The following DNM1 variants were observed in gnomAD, a reference collection of about 807,000 sequenced individuals.
DNM1 encodes the protein dynamin-1.
Under a neutral mutation model 104.6 loss-of-function variants are expected in DNM1, and 29 were observed. The ratio of observed to expected loss-of-function variants is 0.28; its 90% CI spans 0.21 to 0.38. The LOEUF (loss-of-function observed/expected upper bound fraction) is 0.38, where lower values mean the gene tolerates loss of function less well. DNM1 is among the 10% of genes least tolerant of loss of function. DNM1 has a pLI of 1.00. For missense variants in DNM1, 640 were observed against 1,189.4 expected, an observed-to-expected ratio of 0.54 and a Z score of 6.79; for synonymous variants, 445 against 475.8, an observed-to-expected ratio of 0.94 and a Z score of 0.84.
chr9:128,234,640 C>T (rs978905621), intron 11 of DNM1, among the ~76,000 whole-genome samples: 2 of 152,178 alleles, frequency 1.3e-5, no homozygotes, highest in Non-Finnish European at 2.9e-5. Flanking sequence ...TCCCAAAGTG[C>T]TGGGATTACA....
intron 10 of DNM1, chr9:128,232,076 C>T: frequency 2.2e-6 from 1 of 455,714 alleles, no homozygotes; most frequent in Non-Finnish European, 4.4e-6. Flanking sequence ...TGGAGGCTGC[C>T]CTGCCATGGG....
At position 128,253,479 on chromosome 9, in the gene DNM1, AG is replaced by A. The variant is rs1829655087; in HGVS notation, c.2535-1170del. On this transcript the variant is annotated intron_variant, in intron 21 of 21. Coordinates refer to ENST00000372923, the MANE Select transcript of DNM1 (RefSeq NM_004408.4). This position sits in a 1 kb window ranked among gnomAD's most constrained non-coding sequence, Gnocchi z 5.9. ...TATGGTGTAAAGGCTGGGAGCTTGG[AG>A]GGGGTCGTGTGTGGGGCTGGACTCT... The A allele has an allele frequency of 2.8e-6, 1 of 356,518 alleles. No individual in the cohort carries two copies. The highest frequency in any genetic ancestry group is 2.1e-5 in the African/African-American group (1 of 47,814). The allele number at this position is 356,518 out of a possible 1,614,324, so 22.1% of individuals were successfully genotyped here.
At chr9:128,238,633 C>CTATT (rs202115065) in intron 11 of DNM1, among the ~76,000 whole-genome samples, 2,536 of 151,080 alleles carry the variant, frequency 0.017, 84 homozygotes, top group African/African-American at 0.059. Context: ...ATGTTCTTGA[C>CTATT]TATTTTGATT....
chr9:128,211,137 C>T (rs1364530698), intron 1 of DNM1, among the ~76,000 whole-genome samples: 2 of 152,204 alleles, frequency 1.3e-5, no homozygotes, highest in African/African-American at 2.4e-5. Context: ...CCAGTTCACT[C>T]CTGTCTACCT....
At chr9:128,236,173 A>G (rs894780905) in intron 11 of DNM1, among the ~76,000 whole-genome samples, 4 of 152,020 alleles carry the variant, frequency 2.6e-5, no homozygotes, top group Non-Finnish European at 5.9e-5. Context: ...TCTTCCTTCA[A>G]TCACAAACAT....
Position 128,248,844 on chromosome 9 carries a change from T to C in DNM1, c.2076+91T>C. On this transcript the variant is annotated intron_variant, in intron 19 of 21. Coordinates refer to ENST00000372923, the MANE Select transcript of DNM1 (RefSeq NM_004408.4). The surrounding 1 kb of genome is among the most constrained non-coding windows in gnomAD (Gnocchi z 5.6). Reference sequence around the variant, plus strand: ...GCCTGGGGGAGATGCCAACCAGCCCTATGGGACCAGGTCCAGGGAGGGAGG... The same window carrying C: ...GCCTGGGGGAGATGCCAACCAGCCCCATGGGACCAGGTCCAGGGAGGGAGG... 7.0e-7 allele frequency: 1 copy of C among 1,427,758 alleles called. No individual in the cohort carries two copies. The allele number at this position is 1,427,758 out of a possible 1,614,324, so 88.4% of individuals were successfully genotyped here. A position where few individuals can be genotyped will look rare whatever the true frequency, so the allele number is the denominator to read the frequency against.
At chr9:128,214,727 G>A (rs1834503434) in intron 1 of DNM1, among the ~76,000 whole-genome samples, 1 of 152,242 alleles carries the variant, frequency 6.6e-6, no homozygotes, top group Non-Finnish European at 1.5e-5. Context: ...GCCAGGCACA[G>A]CCTCCCTGGG....
In DNM1 at chr9:128,222,229, G is replaced by C; in HGVS notation, c.882G>C (p.Pro294=). 1 of 1,614,076 alleles carries C rather than the reference G, an allele frequency of 6.2e-7. No individual in the cohort carries two copies. Among genetic ancestry groups the C allele is most frequent in the Non-Finnish European group, 8.5e-7 (1 of 1,179,978 alleles). ...CGAACCACATCCGGGACACACTGCC[G>C]GGGCTGCGGAACAAGCTGCAGAGCC... The part of the protein sequence containing the change: ...QLTNHIRDTL[P]GLRNKLQSQL... Residue 294 remains proline (P), a synonymous_variant, in exon 7 of 22, where the codon CCG becomes CCC. Coordinates refer to ENST00000372923, the MANE Select transcript of DNM1 (RefSeq NM_004408.4). This position sits in a 1 kb window ranked among gnomAD's most constrained non-coding sequence, Gnocchi z 7.8.
intron 1 of DNM1, among the ~76,000 whole-genome samples, chr9:128,212,567 G>A (rs560739492): frequency 2.6e-5 from 4 of 152,326 alleles, no homozygotes; most frequent in Admixed American, 6.5e-5. Context: ...GAATAACTTT[G>A]GAAATGTCTA....
At chr9:128,246,802 C>T in intron 16 of DNM1, 1 of 425,124 alleles carries the variant, frequency 2.4e-6, no homozygotes, top group Non-Finnish European at 4.3e-6. Flanking sequence ...CTCCCCTTCC[C>T]TCCCTCCCTC....
In DNM1 at chr9:128,220,929, C is replaced by CT. The variant is rs1228171145; in HGVS notation, c.849+591dup. 2.6e-4 allele frequency among the ~76,000 whole-genome samples: 34 copies of CT among 128,966 alleles called. 1 individual carries two copies. The highest frequency in any genetic ancestry group is 1.3e-3 in the East Asian group (6 of 4,772). 84.6% of individuals were successfully genotyped at this position (128,966 alleles called of 152,430 possible). On this transcript the variant is annotated intron_variant, in intron 6 of 21. Coordinates refer to ENST00000372923, the MANE Select transcript of DNM1 (RefSeq NM_004408.4). This position sits in a 1 kb window ranked among gnomAD's most constrained non-coding sequence, Gnocchi z 5.2. Reference sequence around the variant, plus strand: ...TCTTTCTTTCTTTCTTTCTTTCTTTCTTTCTTTTCTTTTCTTTCTTTCTTT... The same window carrying CT: ...TCTTTCTTTCTTTCTTTCTTTCTTTCTTTTCTTTTCTTTTCTTTCTTTCTTT...
Position 128,248,738 on chromosome 9 carries a change from C to T in DNM1, c.2061C>T (p.His687=), listed in dbSNP as rs1026710429. 4.3e-6 allele frequency: 7 copies of T among 1,613,408 alleles called. No individual in the cohort carries two copies. Among genetic ancestry groups the T allele is most frequent in the African/African-American group, 1.3e-5 (1 of 75,044 alleles). The change falls in exon 19 of 22, where the codon CAC becomes CAT. Residue 687 remains histidine (H), a synonymous_variant. Coordinates refer to ENST00000372923, the MANE Select transcript of DNM1 (RefSeq NM_004408.4). This position sits in a 1 kb window ranked among gnomAD's most constrained non-coding sequence, Gnocchi z 5.6. ...ACCTCATGCCCAAGACCATCATGCA[C>T]CTCATGATTAACAATGTGCGTGCTC... The part of the protein sequence containing the change: ...VRDLMPKTIM[H]LMINNTKEFI...
intron 14 of DNM1, 142 bp from the exon 15 acceptor site, chr9:128,242,090 G>A: frequency 1.5e-6 from 1 of 667,580 alleles, no homozygotes; most frequent in Non-Finnish European, 2.7e-6. Flanking sequence ...ACCAAGGCAG[G>A]TCTGGCCCCC....
Position 128,254,542 on chromosome 9 carries a change from C to T in DNM1, c.2535-112C>T. On this transcript the variant is annotated intron_variant, in intron 21 of 21. Coordinates refer to ENST00000372923, the MANE Select transcript of DNM1 (RefSeq NM_004408.4). The surrounding 1 kb of genome is among the most constrained non-coding windows in gnomAD (Gnocchi z 6.1). Reference sequence around the variant, plus strand: ...CACCTGCAGCCTCCCCTCCCCGGCCCTCCCACCACTGCTGCGGCGCGGCCG... The same window carrying T: ...CACCTGCAGCCTCCCCTCCCCGGCCTTCCCACCACTGCTGCGGCGCGGCCG... 1 of 1,566,650 alleles carries T rather than the reference C, an allele frequency of 6.4e-7. No homozygotes were observed. The highest frequency in any genetic ancestry group is 1.1e-5 in the South Asian group (1 of 89,250).
At chr9:128,216,650 C>T (rs964279288) in intron 1 of DNM1, among the ~76,000 whole-genome samples, 1 of 152,228 alleles carries the variant, frequency 6.6e-6, no homozygotes, top group Non-Finnish European at 1.5e-5. Flanking sequence ...CTTCCCCAGA[C>T]GTGAGGCAGT....
chr9:128,254,140 G>A lies in DNM1; in HGVS notation c.2535-514G>A. The stretch of plus-strand genomic sequence containing the variant: ...TGCCTCCCCCAGGGTCCCTTCAGAG[G>A]GTCCTGGGTTTTCTGAACACCCAGA... On this transcript the variant is annotated intron_variant, in intron 21 of 21. Coordinates refer to ENST00000372923, the MANE Select transcript of DNM1 (RefSeq NM_004408.4). The surrounding 1 kb of genome is among the most constrained non-coding windows in gnomAD (Gnocchi z 6.1). 1 of 1,269,370 alleles carries A rather than the reference G, an allele frequency of 7.9e-7. No individual in the cohort carries two copies. The highest frequency in any genetic ancestry group is 9.9e-7 in the Non-Finnish European group (1 of 1,013,360). 78.6% of individuals were successfully genotyped at this position (1,269,370 alleles called of 1,614,324 possible). A position where few individuals can be genotyped will look rare whatever the true frequency, so the allele number is the denominator to read the frequency against.
rs1835201460 is a variant in DNM1, at chr9:128,224,233, C to T, written c.1197-18C>T. On this transcript the variant is annotated intron_variant, in intron 9 of 21. Transcript: ENST00000372923. This position sits in a 1 kb window ranked among gnomAD's most constrained non-coding sequence, Gnocchi z 4.3. ...CTGGCCTGTGACACTCTGCCCTTCT[C>T]CCGCTCCGGGCGTTCAGAACGGGGC... The T allele has an allele frequency of 6.2e-7, 1 of 1,611,028 alleles. No individual in the cohort carries two copies.
chr9:128,205,610 A>C (rs1833897140), intron 1 of DNM1, among the ~76,000 whole-genome samples: 1 of 152,080 alleles, frequency 6.6e-6, no homozygotes. Flanking sequence ...GTGGGCCTCC[A>C]TTTCCCCATC....
At chr9:128,223,270 A>G in intron 9 of DNM1, 1 of 197,508 alleles carries the variant, frequency 5.1e-6, no homozygotes. Context: ...AATCCTCCAC[A>G]CCCTCCTGTA....
Sources: gnomAD v4.1 joint callset for allele counts (sites outside exome capture counted in the v4.1 genomes callset) on GRCh38, gnomAD v4.1.1 for gene constraint, Gnocchi (gnomAD v3.1) non-coding constraint, MANE v1.5 for transcripts, NCBI Gene and HGNC (gene_info 2026-07-23, HGNC 2026-07-21) for gene names.